The following DVL2 variants were observed in gnomAD, a reference collection of about 807,000 sequenced individuals.
DVL2 encodes the protein segment polarity protein dishevelled homolog DVL-2.
In DVL2, 38 loss-of-function variants were observed where a neutral mutation model predicts 69.8. The observed-to-expected ratio is 0.54, with a 90% confidence interval of 0.42 to 0.71. The LOEUF (loss-of-function observed/expected upper bound fraction) is 0.71. DVL2 is among the 30% of genes least tolerant of loss of function. The pLI is 0.00. For synonymous variants in DVL2, 428 were observed against 392.4 expected (o/e 1.09, Z -1.07); for missense variants, 931 against 1,008.1 (o/e 0.92, Z 1.04).
rs144205338 is a variant in DVL2 at position 7,230,072 on chromosome 17, C to A, written c.494G>T (p.Arg165Leu). 6.8e-6 allele frequency: 11 copies of A among 1,614,106 alleles called. No homozygotes were observed. The African/African-American group carries it at 1.3e-4, about 20-fold the overall frequency. ...SVVSLRRERP[R>L]RRDSSEHGAG... is the part of the protein sequence containing the mutation. ...GCCATGCTCACTGCTGTCTCTCCTG[C>A]GAGGCCGCTCCCGCCTCAGTGACAC... The change falls in exon 4 of 15, where the codon CGC (arginine) becomes CTC (leucine). Residue 165 changes from arginine (R) to leucine (L), a missense_variant. By Grantham distance (102) the Arg-to-Leu change is moderately radical. Around this residue, in one of 3 missense-constraint regions of DVL2, gnomAD observed 555 missense variants for 588.8 expected, o/e 0.94. Transcript: ENST00000005340.
intron 12 of DVL2, 62 bp downstream of exon 12, chr17:7,227,342 T>C (rs1484991172): frequency 6.2e-7 from 1 of 1,604,634 alleles, no homozygotes; most frequent in Non-Finnish European, 8.5e-7. Context: ...GCCTGTGCCA[T>C]TCCTGGCTTT....
chr17:7,230,236 G>C (rs1186556481), intron 3 of DVL2, 49 bp downstream of exon 3: 2 of 1,612,508 alleles, frequency 1.2e-6, no homozygotes, highest in East Asian at 4.5e-5. Context: ...AAAGGCCTGG[G>C]TTCCCTCCTC....
chr17:7,234,088 A>C lies in DVL2; in HGVS notation c.175T>G (p.Ser59Ala). 1 of 1,614,030 alleles carries C rather than the reference A, an allele frequency of 6.2e-7. No homozygotes were observed. Among genetic ancestry groups the C allele is most frequent in the South Asian group, 1.1e-5 (1 of 91,074 alleles). The change falls in exon 1 of 15, where the codon TCT becomes GCT. Residue 59 changes from serine (S) to alanine (A), a missense_variant. By Grantham distance (99) the Ser-to-Ala change is moderately conservative. Coordinates refer to ENST00000005340, the MANE Select transcript of DVL2 (RefSeq NM_004422.3). Reference sequence around the variant, plus strand: ...GCTCACCCGAAATCCTGATCCATAGACTTGAAAAAGTACTTGGCGCCCGCG... The same window carrying C: ...GCTCACCCGAAATCCTGATCCATAGCCTTGAAAAAGTACTTGGCGCCCGCG... ...RPAGAKYFFKSMDQDFGVVKE... is the reference protein window; with the variant it reads ...RPAGAKYFFKAMDQDFGVVKE...
At chr17:7,226,971 A>G (rs973188405) in intron 13 of DVL2, 119 bp downstream of exon 13, 1 of 1,022,836 alleles carries the variant, frequency 9.8e-7, no homozygotes, top group Non-Finnish European at 1.4e-6. Context: ...AGTGCGGGAC[A>G]CACACTGCTC....
chr17:7,225,592 C>T lies in DVL2; in HGVS notation c.*273G>A, dbSNP rs2071430584. 10 of 505,456 alleles carry T rather than the reference C, an allele frequency of 2.0e-5. No homozygotes were observed. The East Asian group carries it at 3.3e-4, about 17-fold the overall frequency. 31.3% of individuals were successfully genotyped at this position (505,456 alleles called of 1,614,324 possible). A position where few individuals can be genotyped will look rare whatever the true frequency, so the allele number is the denominator to read the frequency against. ...ATTCTTCATATAAAAGAGGAAATGC[C>T]TATTAAAAAAGTCCCAAAAATGTAA... On this transcript the variant is annotated 3_prime_UTR_variant, in exon 15 of 15. Transcript: ENST00000005340.
In DVL2 at chr17:7,230,129, T is replaced by C; in HGVS notation, c.437A>G (p.Asn146Ser). ...CTCGGTTTCTGTCTCAGGCTCCAGATTCTCATGGCTGCTGGACACATTAGG... is the reference window on the plus strand; with the variant it reads ...CTCGGTTTCTGTCTCAGGCTCCAGACTCTCATGGCTGCTGGACACATTAGG... The part of the protein sequence containing the change: ...FHPNVSSSHE[N>S]LEPETETESV... The change falls in exon 4 of 15, where the codon AAT (asparagine) becomes AGT (serine). Residue 146 changes from asparagine to serine, a missense_variant. Physicochemically the swap from Asn to Ser is conservative, Grantham distance 46. This residue lies in a region of DVL2 where 555 missense variants were observed against 588.8 expected (regional missense o/e 0.94). Transcript: ENST00000005340. 6.2e-7 allele frequency: 1 copy of C among 1,614,162 alleles called. No individual in the cohort carries two copies. Among genetic ancestry groups the C allele is most frequent in the South Asian group, 1.1e-5 (1 of 91,076 alleles).
At position 7,230,840 on chromosome 17, in the gene DVL2, TCCCCACCCCGAC is replaced by T. The variant is rs775049042; in HGVS notation, c.195-55_195-44del. ...AGAGGTCAGTGAGCTGGACCAACCA[TCCCCACCCCGAC>T]CCCCATCAAACTTTCTCCCAATCTT... On this transcript the variant is annotated intron_variant, in intron 1 of 14. Transcript: ENST00000005340. 41 of 1,477,714 alleles carry T rather than the reference TCCCCACCCCGAC, an allele frequency of 2.8e-5. No individual in the cohort carries two copies. The Admixed American group carries it at 5.4e-4, about 19-fold the overall frequency. The allele number at this position is 1,477,714 out of a possible 1,614,324, so 91.5% of individuals were successfully genotyped here. A position where few individuals can be genotyped will look rare whatever the true frequency, so the allele number is the denominator to read the frequency against.
At position 7,230,188 on chromosome 17, in the gene DVL2, C is replaced by A. The variant is rs945163281; in HGVS notation, c.411-33G>T. 3.1e-6 allele frequency: 5 copies of A among 1,611,400 alleles called. No homozygotes were observed. In the Admixed American group the frequency reaches 5.0e-5, roughly 16 times the overall value. ...GGCAGAGATGGTTTCCAACCCACAT[C>A]AGGAGAACAGGGCTCCGGATCCTAG... is the stretch of plus-strand genomic sequence containing the variant. On this transcript the variant is annotated intron_variant, in intron 3 of 14. Transcript: ENST00000005340.
rs751008671 is a variant in DVL2 at position 7,230,084 on chromosome 17, C to T, written c.482G>A (p.Arg161Gln). Residue 161 changes from arginine (R) to glutamine (Q), a missense_variant, in exon 4 of 15, where the codon CGG becomes CAG. Arg to Gln is a conservative substitution (Grantham distance 43). Around this residue, in one of 3 missense-constraint regions of DVL2, gnomAD observed 555 missense variants for 588.8 expected, o/e 0.94. Coordinates refer to ENST00000005340, the MANE Select transcript of DVL2 (RefSeq NM_004422.3). ...TETESVVSLR[R>Q]ERPRRRDSSE... ...GCTGTCTCTCCTGCGAGGCCGCTCC[C>T]GCCTCAGTGACACTACTGACTCGGT... 7 of 1,614,196 alleles carry T rather than the reference C, an allele frequency of 4.3e-6. No homozygotes were observed. In the Admixed American group the frequency reaches 5.0e-5, roughly 12 times the overall value.
Position 7,226,256 on chromosome 17 carries a change from G to A in DVL2, c.1820C>T (p.Pro607Leu). The A allele has an allele frequency of 6.2e-7, 1 of 1,609,314 alleles. No individual in the cohort carries two copies. The highest frequency in any genetic ancestry group is 1.1e-5 in the South Asian group (1 of 90,836). The stretch of plus-strand genomic sequence containing the variant: ...CTTGGACTCGGGGGCCCGCTCCTCG[G>A]GCCTCCCCGTGCGCCCTGCCCCCCC... ...SDGGAGRTGRPEERAPESKSG... is the reference protein window; with the variant it reads ...SDGGAGRTGRLEERAPESKSG... The change falls in exon 15 of 15, where the codon CCC becomes CTC. Residue 607 changes from proline to leucine, a missense_variant. Physicochemically the swap from Pro to Leu is moderately conservative, Grantham distance 98. Transcript: ENST00000005340.
chr17:7,233,457 T>C (rs546969984), intron 1 of DVL2, among the ~76,000 whole-genome samples: 2 of 152,246 alleles, frequency 1.3e-5, no homozygotes, highest in Admixed American at 1.3e-4. Context: ...TTTTGTTTTT[T>C]TTCTGAGACG....
intron 1 of DVL2, among the ~76,000 whole-genome samples, chr17:7,232,823 C>T (rs113786242): frequency 0.017 from 2,626 of 152,246 alleles, 95 homozygotes; most frequent in African/African-American, 0.059. Flanking sequence ...GGCGCGGTGG[C>T]TCACGCCTGT....
intron 1 of DVL2, 146 bp from the exon 2 acceptor site, chr17:7,230,943 C>A: frequency 1.8e-6 from 1 of 568,780 alleles, no homozygotes; most frequent in East Asian, 3.1e-5. Context: ...TGAAAGAACT[C>A]ACTCCGACAC....
At position 7,231,099 on chromosome 17, in the gene DVL2, G is replaced by A. The variant is rs1023797250; in HGVS notation, c.195-302C>T. Among the ~76,000 whole-genome samples the A allele has an allele frequency of 1.3e-4, 20 of 152,092 alleles. 1 individual carries two copies. Among genetic ancestry groups the A allele is most frequent in the Admixed American group, 1.1e-3 (17 of 15,268 alleles). On this transcript the variant is annotated intron_variant, in intron 1 of 14. Transcript: ENST00000005340. The stretch of plus-strand genomic sequence containing the variant: ...CAAAAGCAATCCCGCACGCTGATGC[G>A]GCTGCCTGAGATACCTATCTAATGA...
At chr17:7,228,309 G>A (rs1007398074) in intron 9 of DVL2, 10 of 312,968 alleles carry the variant, frequency 3.2e-5, no homozygotes, top group East Asian at 5.5e-5. Flanking sequence ...CAGGTAAAAC[G>A]AAACTGCAGT....
chr17:7,228,265 C>T (rs1043115861), intron 9 of DVL2: 29 of 465,980 alleles, frequency 6.2e-5, no homozygotes, highest in South Asian at 3.4e-5. Flanking sequence ...AGAGAGTACA[C>T]GCTGTACAGT....
intron 13 of DVL2, 69 bp downstream of exon 13, chr17:7,227,021 G>C (rs2071465845): frequency 6.7e-7 from 1 of 1,498,278 alleles, no homozygotes. Context: ...TCTGGGCTAG[G>C]TCTAGGGTTG....
At chr17:7,227,939 C>T (rs2071483176) in intron 10 of DVL2, 38 bp downstream of exon 10, 2 of 1,576,300 alleles carry the variant, frequency 1.3e-6, no homozygotes, top group Non-Finnish European at 1.7e-6. Context: ...GGGCAGCCCC[C>T]ACCCCCAACT....
Position 7,230,290 on chromosome 17 carries a change from G to A in DVL2, c.405C>T (p.Ser135=), listed in dbSNP as rs2074216. The A allele has an allele frequency of 0.36, 577,655 of 1,613,762 alleles. 105,370 individuals are homozygous for A. The highest frequency in any genetic ancestry group is 0.4 in the South Asian group (36,202 of 91,066). ...CAAGAATCTGAAGGACTCACTGGAAGGATGGAGGCCTTGAGTCCCCAATGC... is the reference window on the plus strand; with the variant it reads ...CAAGAATCTGAAGGACTCACTGGAAAGATGGAGGCCTTGAGTCCCCAATGC... ...TSGIGDSRPP[S]FHPNVSSSHE... Residue 135 remains serine (S), a synonymous_variant, in exon 3 of 15, where the codon TCC becomes TCT. Coordinates refer to ENST00000005340, the MANE Select transcript of DVL2 (RefSeq NM_004422.3).
Sources: allele counts gnomAD v4.1 joint callset (sites outside exome capture counted in the v4.1 genomes callset), GRCh38; gene constraint gnomAD v4.1.1; regional missense constraint gnomAD v4.1.1; transcripts MANE v1.5; gene names NCBI Gene and HGNC (gene_info 2026-07-23, HGNC 2026-07-21).